The following CDR2L variants were observed in gnomAD, a reference collection of about 807,000 sequenced individuals.
The protein encoded by CDR2L is cerebellar degeneration related protein 2 like.
In CDR2L, 19 loss-of-function variants were observed where a neutral mutation model predicts 36.1. That is an observed-to-expected ratio of 0.53 (90% CI 0.37 to 0.77). The LOEUF is 0.77. Among genes scored for constraint, CDR2L ranks in the 30% least tolerant of loss-of-function variants. CDR2L has a pLI of 0.00. For missense variants in CDR2L, 575 were observed against 627.2 expected (o/e 0.92, Z 0.89); for synonymous variants, 285 against 280.4 (o/e 1.02, Z -0.16).
rs926906956 is a variant in CDR2L at position 75,005,396 on chromosome 17, G to C, written c.*1322G>C. The C allele has an allele frequency of 2.6e-5, 4 of 152,672 alleles. No homozygotes were observed. The highest frequency in any genetic ancestry group is 4.4e-5 in the Non-Finnish European group (3 of 68,146). 9.5% of individuals were successfully genotyped at this position (152,672 alleles called of 1,614,324 possible). ...AAGAGCCATACAGTCAGTGGAAGGC[G>C]GGGGGGCCCTGGCCTCTGCACCGGG... On this transcript the variant is annotated 3_prime_UTR_variant, in exon 5 of 5. Coordinates refer to ENST00000337231, the MANE Select transcript of CDR2L (RefSeq NM_014603.3). This position sits in a 1 kb window ranked among gnomAD's most constrained non-coding sequence, Gnocchi z 4.2.
Position 75,003,228 on chromosome 17 carries a change from C to T in CDR2L, c.552C>T (p.Gly184=). 1 of 1,565,570 alleles carries T rather than the reference C, an allele frequency of 6.4e-7. No individual in the cohort carries two copies. Among genetic ancestry groups the T allele is most frequent in the Admixed American group, 1.9e-5 (1 of 52,584 alleles). The change falls in exon 5 of 5, where the codon GGC becomes GGT. Residue 184 remains glycine, a synonymous_variant. Coordinates refer to ENST00000337231, the MANE Select transcript of CDR2L (RefSeq NM_014603.3). ...TACACAGTTCCTCCCTGGAGCTGGG[C>T]CCGCGGCCCCTGGAGCAGGAGAACG... is the stretch of plus-strand genomic sequence containing the variant. The part of the protein sequence containing the change: ...FRLHSSSLEL[G]PRPLEQENER...
In CDR2L at chr17:75,004,681, GCCTGGAGTGTCCCTGCTCCAGC is replaced by G. The variant is rs2039892708; in HGVS notation, c.*612_*633del. The G allele has an allele frequency of 6.5e-6, 1 of 152,762 alleles. No individual in the cohort carries two copies. Among genetic ancestry groups the G allele is most frequent in the Non-Finnish European group, 1.5e-5 (1 of 68,276 alleles). The allele number at this position is 152,762 out of a possible 1,614,324, so 9.5% of individuals were successfully genotyped here. ...ATGCAGAGCAGGAAGCCTCAGCTGG[GCCTGGAGTGTCCCTGCTCCAGC>G]CCTGCCAGGGACAGGTTTCTCCCTG... On this transcript the variant is annotated 3_prime_UTR_variant, in exon 5 of 5. Coordinates refer to ENST00000337231, the MANE Select transcript of CDR2L (RefSeq NM_014603.3).
intron 1 of CDR2L, among the ~76,000 whole-genome samples, chr17:74,997,072 C>CTTTT (rs1567974320): frequency 2.8e-4 from 1 of 3,562 alleles, no homozygotes; most frequent in African/African-American, 4.1e-4. Flanking sequence ...TTCTTTCTTT[C>CTTTT]TTTCTTTCTT....
chr17:74,999,553 G>T lies in CDR2L; in HGVS notation c.129G>T (p.Lys43Asn). 6.3e-7 allele frequency: 1 copy of T among 1,589,326 alleles called. No individual in the cohort carries two copies. Among genetic ancestry groups the T allele is most frequent in the South Asian group, 1.2e-5 (1 of 86,528 alleles). ...ELGKTLLERN[K>N]ELEGSLQQMY... Reference sequence around the variant, plus strand: ...GGAAGACTCTGCTGGAGAGGAACAAGGAGCTGGAGGGGTCCCTGCAGCAGA... The same window carrying T: ...GGAAGACTCTGCTGGAGAGGAACAATGAGCTGGAGGGGTCCCTGCAGCAGA... The change falls in exon 2 of 5, where the codon AAG (lysine) becomes AAT (asparagine). Residue 43 changes from lysine (K) to asparagine (N), a missense_variant. Coordinates refer to ENST00000337231, the MANE Select transcript of CDR2L (RefSeq NM_014603.3).
intron 1 of CDR2L, among the ~76,000 whole-genome samples, chr17:74,990,538 G>A (rs1007211636): frequency 6.6e-6 from 1 of 152,232 alleles, no homozygotes; most frequent in East Asian, 1.9e-4. Flanking sequence ...GCCCAGCAAC[G>A]GGGACAGCAG....
rs1478520132 is a variant in CDR2L at position 74,989,954 on chromosome 17, T to G, written c.79+1832T>G. On this transcript the variant is annotated intron_variant, in intron 1 of 4. Transcript: ENST00000337231. The surrounding 1 kb of genome is among the most constrained non-coding windows in gnomAD (Gnocchi z 4.2). ...ACGCCCGGCTGGTGGCACAGTATTA[T>G]GGGCAGTGGGGAGGGCTTCCTGGAA... Among the ~76,000 whole-genome samples, 1 of 152,192 alleles carries G rather than the reference T, an allele frequency of 6.6e-6. No individual in the cohort carries two copies. Among genetic ancestry groups the G allele is most frequent in the Non-Finnish European group, 1.5e-5 (1 of 68,038 alleles).
In CDR2L at chr17:75,000,617, T is replaced by TAA. The variant is rs71159407; in HGVS notation, c.193-710_193-709dup. ...CGGGCATAAAAAAGATTTTAGAAGT[T>TAA]AAAAAAAAAAAAAAAGGCCGGGCAC... is the stretch of plus-strand genomic sequence containing the variant. On this transcript the variant is annotated intron_variant, in intron 2 of 4. Transcript: ENST00000337231. Among the ~76,000 whole-genome samples the TAA allele has an allele frequency of 8.0e-4, 91 of 114,286 alleles. No individual in the cohort carries two copies. In the Middle Eastern group the frequency reaches 0.017, roughly 21 times the overall value. 75.0% of individuals were successfully genotyped at this position (114,286 alleles called of 152,430 possible).
rs1567974277 is a variant in CDR2L, at chr17:74,997,060, C to CTTT, written c.80-2443_80-2441dup. ...TCTTTCTTTCTTTCTTTCTTTCTTTCTTTCTTTCTTTCTTTCTTTCTTTCT... is the reference window on the plus strand; with the variant it reads ...TCTTTCTTTCTTTCTTTCTTTCTTTCTTTTTTCTTTCTTTCTTTCTTTCTTTCT... On this transcript the variant is annotated intron_variant, in intron 1 of 4. Transcript: ENST00000337231. Among the ~76,000 whole-genome samples, 2 of 10,350 alleles carry CTTT rather than the reference C, an allele frequency of 1.9e-4. 1 individual carries two copies. The highest frequency in any genetic ancestry group is 1.5e-3 in the Non-Finnish European group (2 of 1,338). The allele number at this position is 10,350 out of a possible 152,430, so 6.8% of individuals were successfully genotyped here.
chr17:74,994,708 C>T (rs1193197837), intron 1 of CDR2L, among the ~76,000 whole-genome samples: 2 of 151,984 alleles, frequency 1.3e-5, no homozygotes, highest in Admixed American at 6.6e-5. Flanking sequence ...TGGACTCAAG[C>T]AGTCCTCCCA....
chr17:74,999,429 A>T, intron 1 of CDR2L, 75 bp from the exon 2 acceptor site: 1 of 995,978 alleles, frequency 1.0e-6, no homozygotes, highest in African/African-American at 1.6e-5. Flanking sequence ...CATTGGGGTC[A>T]CCTAGAGTAG....
chr17:74,990,685 G>A (rs1567972846), intron 1 of CDR2L, among the ~76,000 whole-genome samples: 2 of 152,250 alleles, frequency 1.3e-5, no homozygotes, highest in Admixed American at 6.5e-5. Flanking sequence ...AATAGGGAGG[G>A]AGGGGCTGAA....
intron 3 of CDR2L, 49 bp downstream of exon 3, chr17:75,001,538 G>T: frequency 2.1e-6 from 3 of 1,457,306 alleles, no homozygotes; most frequent in Non-Finnish European, 2.7e-6. Flanking sequence ...GAGCCCCAGG[G>T]CTGAGTGTAC....
intron 1 of CDR2L, among the ~76,000 whole-genome samples, chr17:74,994,730 C>G (rs2039815019): frequency 6.6e-6 from 1 of 151,992 alleles, no homozygotes; most frequent in Non-Finnish European, 1.5e-5. Context: ...ATCAACTTCT[C>G]TAGTAGCTGC....
At position 75,001,373 on chromosome 17, in the gene CDR2L, C is replaced by T. The variant is rs1170314951; in HGVS notation, c.225C>T (p.His75=). 13 of 1,610,888 alleles carry T rather than the reference C, an allele frequency of 8.1e-6. No individual in the cohort carries two copies. The highest frequency in any genetic ancestry group is 1.3e-5 in the African/African-American group (1 of 74,804). ...YLTKQLDTLR[H]VNEQHAKVYE... ...CCAAGCAGCTGGACACGCTGCGGCA[C>T]GTGAACGAGCAGCACGCCAAAGTCT... The change falls in exon 3 of 5, where the codon CAC becomes CAT. Residue 75 remains histidine, a synonymous_variant. Coordinates refer to ENST00000337231, the MANE Select transcript of CDR2L (RefSeq NM_014603.3).
At chr17:74,990,412 T>C (rs1243969538) in intron 1 of CDR2L, among the ~76,000 whole-genome samples, 1 of 152,356 alleles carries the variant, frequency 6.6e-6, no homozygotes, top group Non-Finnish European at 1.5e-5. Flanking sequence ...GGCCAGGTAC[T>C]GTGCTGAGCC....
At chr17:74,997,344 G>C (rs1157637627) in intron 1 of CDR2L, among the ~76,000 whole-genome samples, 1 of 152,054 alleles carries the variant, frequency 6.6e-6, no homozygotes, top group Non-Finnish European at 1.5e-5. Flanking sequence ...CTCCCAAAGT[G>C]CTGGGATTAC....
At chr17:75,000,404 C>A (rs2039857938) in intron 2 of CDR2L, among the ~76,000 whole-genome samples, 1 of 150,946 alleles carries the variant, frequency 6.6e-6, no homozygotes, top group Non-Finnish European at 1.5e-5. Flanking sequence ...TCACGCCATT[C>A]TCCTGCCTCA....
intron 1 of CDR2L, among the ~76,000 whole-genome samples, chr17:74,997,959 G>A (rs1405942367): frequency 7.3e-5 from 11 of 150,340 alleles, no homozygotes; most frequent in Non-Finnish European, 1.5e-5. Context: ...GGTGGCTCAC[G>A]CCTGTAATCC....
At chr17:74,995,852 A>G (rs1014130414) in intron 1 of CDR2L, among the ~76,000 whole-genome samples, 3 of 152,236 alleles carry the variant, frequency 2.0e-5, no homozygotes, top group Non-Finnish European at 4.4e-5. Flanking sequence ...TTTTACACCA[A>G]TCATGCCTTA....
Sources: allele counts gnomAD v4.1 joint callset (sites outside exome capture counted in the v4.1 genomes callset), GRCh38; gene constraint gnomAD v4.1.1; non-coding constraint Gnocchi (gnomAD v3.1); transcripts MANE v1.5; gene names NCBI Gene and HGNC (gene_info 2026-07-23, HGNC 2026-07-21).